Variants in TMEM17 observed in about 807,000 individuals in gnomAD.
The protein encoded by TMEM17 is transmembrane protein 17.
In TMEM17, 15 loss-of-function variants were observed where a neutral mutation model predicts 19.1. That is an observed-to-expected ratio of 0.78 (90% confidence interval 0.52 to 1.21). TMEM17 has a LOEUF of 1.21. TMEM17 is among the 50% of genes most tolerant of loss of function. The pLI, the probability that TMEM17 is intolerant of heterozygous loss-of-function variation, is 0.00. For synonymous variants in TMEM17, 103 were observed against 86.9 expected (o/e 1.19, Z -1.03); for missense variants, 245 against 242.3 (o/e 1.01, Z -0.07).
the TMEM17 span, among the ~76,000 whole-genome samples, chr2:62,485,576 A>G: frequency 6.6e-6 from 1 of 152,218 alleles, no homozygotes; most frequent in Non-Finnish European, 1.5e-5. Flanking sequence ...ACCTTGCTTT[A>G]TACAACAGAA....
chr2:62,483,400 A>C, the TMEM17 span, among the ~76,000 whole-genome samples: 1 of 152,178 alleles, frequency 6.6e-6, no homozygotes, highest in East Asian at 1.9e-4. Flanking sequence ...CTGTAGGAAA[A>C]GGCAAGCAAA....
chr2:62,496,259 T>C (rs1388914770), downstream of TMEM17, among the ~76,000 whole-genome samples: 1 of 152,190 alleles, frequency 6.6e-6, no homozygotes, highest in Non-Finnish European at 1.5e-5. Flanking sequence ...AATATGCCCT[T>C]AAAAATGTCC....
At chr2:62,481,698 GGTGTGTGTGTGTGT>G in the TMEM17 span, among the ~76,000 whole-genome samples, 1 of 144,050 alleles carries the variant, frequency 6.9e-6, no homozygotes, top group Non-Finnish European at 1.5e-5. Context: ...ACCCCTTAAA[GGTGTGTGTGTGTGT>G]GTGTGTGTGT....
intron 1 of TMEM17, among the ~76,000 whole-genome samples, chr2:62,505,475 T>A (rs956793456): frequency 8.0e-5 from 12 of 150,362 alleles, no homozygotes; most frequent in African/African-American, 2.7e-4. Context: ...CTTTTTTTTT[T>A]AATGTCTTCT....
At chr2:62,454,086 G>A in the TMEM17 span, among the ~76,000 whole-genome samples, 22 of 152,334 alleles carry the variant, frequency 1.4e-4, no homozygotes, top group South Asian at 1.4e-3. Flanking sequence ...TGGCCTTAGC[G>A]TTTTGAGAGA....
chr2:62,501,098 G>A lies in TMEM17; in HGVS notation c.*111C>T. 1 of 1,225,250 alleles carries A rather than the reference G, an allele frequency of 8.2e-7. No individual in the cohort carries two copies. Among genetic ancestry groups the A allele is most frequent in the Non-Finnish European group, 1.1e-6 (1 of 875,656 alleles). 75.9% of individuals were successfully genotyped at this position (1,225,250 alleles called of 1,614,324 possible). On this transcript the variant is annotated 3_prime_UTR_variant, in exon 4 of 4. Coordinates refer to ENST00000335390, the MANE Select transcript of TMEM17 (RefSeq NM_198276.3). ...CCAACCTTGGAATTTCAGAGTGAGA[G>A]CATATACAATTCAAAACACTTGCTT... is the stretch of plus-strand genomic sequence containing the variant.
chr2:62,489,016 G>C, the TMEM17 span, among the ~76,000 whole-genome samples: 1 of 152,138 alleles, frequency 6.6e-6, no homozygotes, highest in Non-Finnish European at 1.5e-5. Context: ...ACCCTTACCA[G>C]GTGACTCAAG....
the TMEM17 span, among the ~76,000 whole-genome samples, chr2:62,463,543 A>G: frequency 1.3e-5 from 2 of 152,186 alleles, no homozygotes; most frequent in Non-Finnish European, 2.9e-5. Flanking sequence ...AAAGAAAAAC[A>G]ATAATTTTAC....
the TMEM17 span, among the ~76,000 whole-genome samples, chr2:62,453,924 T>C: frequency 1.3e-5 from 2 of 152,172 alleles, no homozygotes; most frequent in East Asian, 1.9e-4. Context: ...ATTTGTAAAG[T>C]AGATCAAGAA....
the TMEM17 span, among the ~76,000 whole-genome samples, chr2:62,473,286 A>G: frequency 1.3e-5 from 2 of 152,312 alleles, no homozygotes; most frequent in East Asian, 3.9e-4. Context: ...GGACCCAACC[A>G]CACCGCCAAA....
chr2:62,505,738 G>A (rs1365459103), intron 1 of TMEM17, among the ~76,000 whole-genome samples: 4 of 152,100 alleles, frequency 2.6e-5, no homozygotes, highest in African/African-American at 9.7e-5. Flanking sequence ...GTTTCTCCGG[G>A]ACAATGATGG....
the TMEM17 span, among the ~76,000 whole-genome samples, chr2:62,467,080 T>C: frequency 2.0e-5 from 3 of 152,170 alleles, no homozygotes; most frequent in Admixed American, 1.3e-4. Context: ...TTCTTTTTTT[T>C]AAGCTTTTTA....
At chr2:62,504,671 TTAAATTAAAACA>T (rs566468672) in intron 1 of TMEM17, among the ~76,000 whole-genome samples, 56 of 152,208 alleles carry the variant, frequency 3.7e-4, no homozygotes, top group Non-Finnish European at 7.2e-4. Context: ...TAAATGGAAT[TTAAATTAAAACA>T]TACAATATAA....
At chr2:62,477,955 C>G in the TMEM17 span, among the ~76,000 whole-genome samples, 2 of 152,218 alleles carry the variant, frequency 1.3e-5, no homozygotes, top group Non-Finnish European at 2.9e-5. Context: ...TTCTGCGGGG[C>G]TCCCCTGCCC....
At chr2:62,505,477 A>C (rs763598915) in intron 1 of TMEM17, among the ~76,000 whole-genome samples, 4 of 144,540 alleles carry the variant, frequency 2.8e-5, no homozygotes, top group African/African-American at 7.8e-5. Context: ...TTTTTTTTTA[A>C]TGTCTTCTAC....
At chr2:62,479,019 A>G in the TMEM17 span, among the ~76,000 whole-genome samples, 2 of 152,354 alleles carry the variant, frequency 1.3e-5, 1 homozygote, top group South Asian at 4.1e-4. Flanking sequence ...TATAGTGATC[A>G]GGGTAATTAG....
chr2:62,462,552 T>C, the TMEM17 span, among the ~76,000 whole-genome samples: 7 of 152,134 alleles, frequency 4.6e-5, no homozygotes, highest in Admixed American at 3.9e-4. Flanking sequence ...TGCTACCCCA[T>C]GGAAGGTACT....
chr2:62,482,777 G>A, the TMEM17 span, among the ~76,000 whole-genome samples: 1 of 152,258 alleles, frequency 6.6e-6, no homozygotes, highest in South Asian at 2.1e-4. Flanking sequence ...AGATCATTTG[G>A]GACCCTTGAT....
the TMEM17 span, among the ~76,000 whole-genome samples, chr2:62,467,553 T>G: frequency 1.3e-5 from 2 of 152,230 alleles, no homozygotes; most frequent in Non-Finnish European, 2.9e-5. Flanking sequence ...AGGTGCCAAC[T>G]GAGCACTTGT....
Sources: allele counts gnomAD v4.1 joint callset (sites outside exome capture counted in the v4.1 genomes callset), GRCh38; gene constraint gnomAD v4.1.1; transcripts MANE v1.5; gene names NCBI Gene and HGNC (gene_info 2026-07-23, HGNC 2026-07-21).